The following SCRN1 variants were observed in gnomAD, a reference collection of about 807,000 sequenced individuals.
The protein encoded by SCRN1 is secernin 1.
In SCRN1, 19 loss-of-function variants were observed where a neutral mutation model predicts 43.3. The ratio of observed to expected loss-of-function variants is 0.44; its 90% CI spans 0.31 to 0.64. The LOEUF is 0.64. Ranked by LOEUF, SCRN1 falls within the 30% of genes least tolerant of loss-of-function variation. The pLI is 0.09. For synonymous variants in SCRN1, 183 were observed against 188.9 expected (o/e 0.97, Z 0.26); for missense variants, 447 against 524.1 (o/e 0.85, Z 1.44).
chr7:29,982,448 G>A (rs770442864), intron 1 of SCRN1, among the ~76,000 whole-genome samples: 3 of 147,266 alleles, frequency 2.0e-5, no homozygotes, highest in Non-Finnish European at 4.5e-5. Flanking sequence ...GGGAGGCTGA[G>A]ACAGCAGGAT....
intron 7 of SCRN1, 86 bp downstream of exon 7, chr7:29,926,366 C>T (rs1032802164): frequency 3.4e-6 from 5 of 1,449,446 alleles, no homozygotes; most frequent in Non-Finnish European, 3.8e-6. Flanking sequence ...TAGGGTCTAG[C>T]TTGACATCTG....
At chr7:29,968,883 T>C (rs1788579159) in intron 2 of SCRN1, 26 bp downstream of exon 2, 2 of 1,613,400 alleles carry the variant, frequency 1.2e-6, no homozygotes, top group East Asian at 2.2e-5. Context: ...AGAGTGTGAC[T>C]CGCGAGACTG....
chr7:29,971,009 C>T lies in SCRN1; in HGVS notation c.-1-1941G>A, dbSNP rs928629982. Among the ~76,000 whole-genome samples, 3 of 152,348 alleles carry T rather than the reference C, an allele frequency of 2.0e-5. No individual in the cohort carries two copies. In the South Asian group the frequency reaches 6.2e-4, roughly 32 times the overall value. On this transcript the variant is annotated intron_variant, in intron 1 of 7. Coordinates refer to ENST00000242059, the MANE Select transcript of SCRN1 (RefSeq NM_014766.5). ...ACCATAGTAGCCCTTTCCCCAACCC[C>T]TGGCATTACAGGCACTCAAGAAACA...
intron 1 of SCRN1, among the ~76,000 whole-genome samples, chr7:29,980,930 G>C (rs1788975029): frequency 6.6e-6 from 1 of 152,164 alleles, no homozygotes; most frequent in Admixed American, 6.5e-5. Context: ...TGGATAGATA[G>C]ATTTTAAAAG....
intron 7 of SCRN1, among the ~76,000 whole-genome samples, chr7:29,925,995 C>T (rs1786938385): frequency 6.6e-6 from 1 of 151,966 alleles, no homozygotes; most frequent in African/African-American, 2.4e-5. Flanking sequence ...TAAGCTCATT[C>T]ACAATGTTGT....
intron 2 of SCRN1, among the ~76,000 whole-genome samples, chr7:29,958,509 C>A (rs184278646): frequency 9.2e-5 from 14 of 152,268 alleles, no homozygotes; most frequent in African/African-American, 3.4e-4. Flanking sequence ...AAAGAGGTTT[C>A]TCTAGGTACA....
chr7:29,952,851 G>A (rs1274615049), intron 3 of SCRN1, among the ~76,000 whole-genome samples: 2 of 152,170 alleles, frequency 1.3e-5, no homozygotes, highest in African/African-American at 4.8e-5. Context: ...GCAGATGCCT[G>A]TGACTCCATC....
chr7:29,921,888 T>C lies in SCRN1; in HGVS notation c.*2069A>G, dbSNP rs770751214. ...TGAATCACCTTGGTTATCTCAGACA[T>C]GTCAGGTCTGATGAGACATTTCATA... On this transcript the variant is annotated 3_prime_UTR_variant, in exon 8 of 8. Transcript: ENST00000242059. The C allele has an allele frequency of 6.6e-6, 1 of 152,234 alleles. No homozygotes were observed. Among genetic ancestry groups the C allele is most frequent in the Non-Finnish European group, 1.5e-5 (1 of 68,042 alleles). 9.4% of individuals were successfully genotyped at this position (152,234 alleles called of 1,614,324 possible). A position where few individuals can be genotyped will look rare whatever the true frequency, so the allele number is the denominator to read the frequency against.
chr7:29,977,834 G>C (rs1038766744), intron 1 of SCRN1, among the ~76,000 whole-genome samples: 1 of 152,232 alleles, frequency 6.6e-6, no homozygotes, highest in Non-Finnish European at 1.5e-5. Context: ...GTTGCAGTGA[G>C]ATTTAAATGA....
intron 1 of SCRN1, 178 bp from the exon 2 acceptor site, chr7:29,969,246 G>A: frequency 3.3e-6 from 2 of 603,340 alleles, no homozygotes; most frequent in South Asian, 2.4e-5. Context: ...GAATGACAGA[G>A]CCACCGAGAC....
At chr7:29,947,062 C>A (rs1325620797) in intron 3 of SCRN1, 2 of 1,052,860 alleles carry the variant, frequency 1.9e-6, no homozygotes, top group Non-Finnish European at 2.7e-6. Context: ...TGGCTGCTAC[C>A]CCTCTGCCTG....
At chr7:29,988,031 G>A (rs1040799584) in intron 1 of SCRN1, among the ~76,000 whole-genome samples, 1 of 151,946 alleles carries the variant, frequency 6.6e-6, no homozygotes, top group African/African-American at 2.4e-5. Context: ...AGTGAAAAGG[G>A]AAAGAAAGGC....
At chr7:29,943,885 C>T (rs1787639722) in intron 4 of SCRN1, 92 bp downstream of exon 4, 1 of 1,223,296 alleles carries the variant, frequency 8.2e-7, no homozygotes, top group African/African-American at 1.5e-5. Context: ...AACGGCACGT[C>T]TTTCTTCCAG....
Position 29,974,671 on chromosome 7 carries a change from T to C in SCRN1, c.-1-5603A>G, listed in dbSNP as rs1788753879. Among the ~76,000 whole-genome samples, 4 of 148,236 alleles carry C rather than the reference T, an allele frequency of 2.7e-5. No individual in the cohort carries two copies. The South Asian group carries it at 8.4e-4, about 31-fold the overall frequency. On this transcript the variant is annotated intron_variant, in intron 1 of 7. Transcript: ENST00000242059. ...CATTTTAAAATATTTGTTTACACGA[T>C]TCTTTCTTTCTTTCTTTTTTTTTTT... is the stretch of plus-strand genomic sequence containing the variant.
intron 2 of SCRN1, among the ~76,000 whole-genome samples, chr7:29,968,101 A>C (rs1050674135): frequency 8.5e-5 from 13 of 152,260 alleles, no homozygotes; most frequent in African/African-American, 2.7e-4. Context: ...ATTTGAAATA[A>C]GAATTAATGG....
chr7:29,978,823 A>AT (rs1221801387), intron 1 of SCRN1, among the ~76,000 whole-genome samples: 1 of 152,176 alleles, frequency 6.6e-6, no homozygotes, highest in Non-Finnish European at 1.5e-5. Flanking sequence ...GCCACATCTG[A>AT]TTTTGCCTCA....
chr7:29,980,406 G>C (rs915796914), intron 1 of SCRN1, among the ~76,000 whole-genome samples: 1 of 152,114 alleles, frequency 6.6e-6, no homozygotes, highest in Non-Finnish European at 1.5e-5. Context: ...AGGTTGCTTT[G>C]AATTATGACC....
chr7:29,972,735 A>G (rs974248071), intron 1 of SCRN1, among the ~76,000 whole-genome samples: 7 of 152,228 alleles, frequency 4.6e-5, no homozygotes, highest in African/African-American at 1.7e-4. Context: ...CTAGCTTCAG[A>G]GATGACTTTT....
chr7:29,960,157 A>G (rs2128095306), intron 2 of SCRN1, among the ~76,000 whole-genome samples: 1 of 152,182 alleles, frequency 6.6e-6, no homozygotes, highest in East Asian at 1.9e-4. Flanking sequence ...GACTCCCGCA[A>G]CATACACACA....
Sources: gnomAD v4.1 joint callset for allele counts (sites outside exome capture counted in the v4.1 genomes callset) on GRCh38, gnomAD v4.1.1 for gene constraint, MANE v1.5 for transcripts, NCBI Gene and HGNC (gene_info 2026-07-23, HGNC 2026-07-21) for gene names.